EVI5: variants seen among roughly 807,000 people sequenced by gnomAD.
The protein encoded by EVI5 is ecotropic viral integration site 5 protein homolog.
Under a neutral mutation model 112.0 loss-of-function variants are expected in EVI5, and 73 were observed. That is an observed-to-expected ratio of 0.65 (90% CI 0.54 to 0.79). The LOEUF is 0.79. Among genes scored for constraint, EVI5 ranks in the 30% least tolerant of loss-of-function variants. The probability of loss-of-function intolerance (pLI) is 0.00; values close to 1 mark genes in which losing one functional copy is unlikely to be tolerated. For synonymous variants in EVI5, 305 were observed against 319.9 expected (o/e 0.95, Z 0.50); for missense variants, 900 against 968.8 (o/e 0.93, Z 0.94).
At chr1:92,675,007 G>A (rs987155247) in intron 10 of EVI5, among the ~76,000 whole-genome samples, 5 of 152,142 alleles carry the variant, frequency 3.3e-5, no homozygotes, top group Admixed American at 6.5e-5. Flanking sequence ...CATTTCTTCA[G>A]GCATATGAAC....
At chr1:92,566,180 A>G (rs766312063) in intron 18 of EVI5, among the ~76,000 whole-genome samples, 7 of 152,118 alleles carry the variant, frequency 4.6e-5, no homozygotes, top group Non-Finnish European at 1.0e-4. Flanking sequence ...AATCTGTCTT[A>G]AAAACCTTTT....
chr1:92,756,861 T>A, intron 1 of EVI5: 1 of 464,224 alleles, frequency 2.2e-6, no homozygotes, highest in Non-Finnish European at 4.3e-6. Context: ...TCACTGGCAA[T>A]AGTAGCAGAA....
At chr1:92,708,211 C>T (rs1043919535) in intron 2 of EVI5, among the ~76,000 whole-genome samples, 2 of 151,500 alleles carry the variant, frequency 1.3e-5, no homozygotes, top group Non-Finnish European at 2.9e-5. Context: ...AGTGGAAAGA[C>T]AATCTACAGA....
In EVI5 at chr1:92,510,232, T is replaced by G. The variant is rs961707003; in HGVS notation, c.*3424A>C. 2.0e-5 allele frequency: 3 copies of G among 152,230 alleles called. No homozygotes were observed. Among genetic ancestry groups the G allele is most frequent in the Non-Finnish European group, 2.9e-5 (2 of 68,038 alleles). The allele number at this position is 152,230 out of a possible 1,614,324, so 9.4% of individuals were successfully genotyped here. On this transcript the variant is annotated 3_prime_UTR_variant, in exon 20 of 20. Coordinates refer to ENST00000684568, the MANE Select transcript of EVI5 (RefSeq NM_001350197.2). Reference sequence around the variant, plus strand: ...AATATCAACGTTTAGAATTCAAACATGATTCTAGAAAATTTCTTATCTTAA... The same window carrying G: ...AATATCAACGTTTAGAATTCAAACAGGATTCTAGAAAATTTCTTATCTTAA...
At chr1:92,685,344 C>G (rs1043125925) in intron 9 of EVI5, among the ~76,000 whole-genome samples, 1 of 152,182 alleles carries the variant, frequency 6.6e-6, no homozygotes, top group African/African-American at 2.4e-5. Flanking sequence ...TAAAGATGTT[C>G]TTTGAAACCA....
chr1:92,653,568 C>T (rs1199034020), intron 13 of EVI5, among the ~76,000 whole-genome samples: 2 of 152,228 alleles, frequency 1.3e-5, no homozygotes, highest in Non-Finnish European at 1.5e-5. Context: ...TAGGCATAGC[C>T]ATGGCTGATA....
chr1:92,720,614 GGCAAGGACTTCA>G (rs1191318929), intron 2 of EVI5, among the ~76,000 whole-genome samples: 1 of 152,080 alleles, frequency 6.6e-6, no homozygotes. Flanking sequence ...CACAGGCATG[GGCAAGGACTTCA>G]TGACTAAAAC....
chr1:92,717,764 G>A (rs1674003442), intron 2 of EVI5, among the ~76,000 whole-genome samples: 1 of 151,998 alleles, frequency 6.6e-6, no homozygotes, highest in South Asian at 2.1e-4. Flanking sequence ...TAGATAAAGA[G>A]TCAAGACCCA....
At chr1:92,569,752 G>A (rs1670020268) in intron 18 of EVI5, among the ~76,000 whole-genome samples, 1 of 150,102 alleles carries the variant, frequency 6.7e-6, no homozygotes, top group Non-Finnish European at 1.5e-5. Context: ...TACTCAGGAG[G>A]TTGACGCAGG....
chr1:92,645,800 TA>T (rs1660832724), intron 13 of EVI5, among the ~76,000 whole-genome samples: 2 of 152,198 alleles, frequency 1.3e-5, no homozygotes, highest in African/African-American at 4.8e-5. Context: ...ATGTCTCTTA[TA>T]TCTAAATCCC....
chr1:92,781,954 CAAAAAAAAAAAAAAA>C (rs36036236), intron 1 of EVI5, among the ~76,000 whole-genome samples: 2 of 47,048 alleles, frequency 4.3e-5, no homozygotes, highest in Non-Finnish European at 7.0e-5. Context: ...GATTCTGTCT[CAAAAAAAAAAAAAAA>C]AAAAAAAAAG....
intron 18 of EVI5, among the ~76,000 whole-genome samples, chr1:92,603,325 G>A (rs1649593054): frequency 6.6e-6 from 1 of 152,178 alleles, no homozygotes; most frequent in African/African-American, 2.4e-5. Flanking sequence ...ATTACTATAT[G>A]ATCCAGCAAT....
intron 19 of EVI5, among the ~76,000 whole-genome samples, chr1:92,539,560 A>AAAAAAAAAAAAAAAAAAAAAAACC (rs1553174065): frequency 7.3e-6 from 1 of 137,732 alleles, no homozygotes; most frequent in Non-Finnish European, 1.5e-5. Flanking sequence ...AAAAAAAAAA[A>AAAAAAAAAAAAAAAAAAAAAAACC]AAAAAATCTT....
chr1:92,541,377 A>G (rs1664780379), intron 19 of EVI5, among the ~76,000 whole-genome samples: 1 of 152,262 alleles, frequency 6.6e-6, no homozygotes, highest in Non-Finnish European at 1.5e-5. Context: ...GCCAATAAGC[A>G]TATGAAAACA....
intron 19 of EVI5, among the ~76,000 whole-genome samples, chr1:92,534,334 T>C (rs1405079133): frequency 2.6e-5 from 4 of 152,192 alleles, no homozygotes; most frequent in Non-Finnish European, 5.9e-5. Context: ...AGAATCAATA[T>C]TGTGACAATG....
intron 1 of EVI5, among the ~76,000 whole-genome samples, chr1:92,744,421 G>GA (rs559867805): frequency 3.5e-4 from 54 of 152,174 alleles, no homozygotes; most frequent in African/African-American, 1.3e-3. Flanking sequence ...CTATAATAGT[G>GA]AATTTGTCTA....
intron 19 of EVI5, among the ~76,000 whole-genome samples, chr1:92,529,773 CTAG>C (rs2101831698): frequency 1.3e-5 from 2 of 151,978 alleles, no homozygotes; most frequent in East Asian, 3.9e-4. Flanking sequence ...TTTTTGTTTT[CTAG>C]TATTATGCTG....
rs1468264120 is a variant in EVI5, at chr1:92,761,623, T to C, written c.-82+23213A>G. The stretch of plus-strand genomic sequence containing the variant: ...TTAATATGTGGAGAGTTAAAAATAA[T>C]ATTCACACCAGTTCCAGTAAGATTT... On this transcript the variant is annotated intron_variant, in intron 1 of 19. Transcript: ENST00000684568. Among the ~76,000 whole-genome samples the C allele has an allele frequency of 7.0e-5, 9 of 128,030 alleles. No homozygotes were observed. In the South Asian group the frequency reaches 1.2e-3, roughly 17 times the overall value. 84.0% of individuals were successfully genotyped at this position (128,030 alleles called of 152,430 possible). A position where few individuals can be genotyped will look rare whatever the true frequency, so the allele number is the denominator to read the frequency against.
At chr1:92,642,051 A>C (rs1660082901) in intron 13 of EVI5, among the ~76,000 whole-genome samples, 1 of 152,140 alleles carries the variant, frequency 6.6e-6, no homozygotes, top group African/African-American at 2.4e-5. Context: ...GAGTCACTTG[A>C]ACCCAAGAGG....
Sources: gnomAD v4.1 joint callset for allele counts (sites outside exome capture counted in the v4.1 genomes callset) on GRCh38, gnomAD v4.1.1 for gene constraint, MANE v1.5 for transcripts, NCBI Gene and HGNC (gene_info 2026-07-23, HGNC 2026-07-21) for gene names.